Variants in IARS1 observed in about 807,000 individuals in gnomAD.
The protein encoded by IARS1 is isoleucyl-tRNA synthetase 1.
Under a neutral mutation model 168.2 loss-of-function variants are expected in IARS1, and 124 were observed. The observed-to-expected ratio is 0.74, with a 90% CI of 0.64 to 0.86. The LOEUF (loss-of-function observed/expected upper bound fraction) is 0.86. Among genes scored for constraint, IARS1 ranks in the 40% least tolerant of loss-of-function variants. The pLI, the probability that IARS1 is intolerant of heterozygous loss-of-function variation, is 0.00. For synonymous variants in IARS1, 532 were observed against 529.4 expected (o/e 1.00, Z -0.07); for missense variants, 1,452 against 1,515.8 (o/e 0.96, Z 0.70).
At chr9:92,253,690 A>G in intron 20 of IARS1, 1 of 538,612 alleles carries the variant, frequency 1.9e-6, no homozygotes, top group East Asian at 3.5e-5. Context: ...CCACATGCGA[A>G]TTCCCATTGG....
chr9:92,276,741 AG>A (rs1253223129), intron 9 of IARS1, among the ~76,000 whole-genome samples: 1 of 152,224 alleles, frequency 6.6e-6, no homozygotes, highest in East Asian at 1.9e-4. Context: ...ACATAAGGCC[AG>A]GTCTGCTCAT....
intron 6 of IARS1, among the ~76,000 whole-genome samples, chr9:92,281,538 A>G (rs1834568179): frequency 1.3e-5 from 2 of 152,182 alleles, no homozygotes; most frequent in South Asian, 4.1e-4. Flanking sequence ...TCAAAAAGAT[A>G]ACTGTTCTGG....
At position 92,260,211 on chromosome 9, in the gene IARS1, C is replaced by T. The variant is rs780409825; in HGVS notation, c.1811G>A (p.Arg604Gln). The T allele has an allele frequency of 6.8e-6, 11 of 1,613,990 alleles. No individual in the cohort carries two copies. The highest frequency in any genetic ancestry group is 9.3e-6 in the Non-Finnish European group (11 of 1,179,890). ...LASDGQKMSK[R>Q]KKNYPDPVSI... ...AACTGGATCTGGATAATTCTTTTTC[C>T]GTTTGCTCATTTTTTGGCCATCACT... is the stretch of plus-strand genomic sequence containing the variant. Residue 604 changes from arginine (R) to glutamine (Q), a missense_variant, in exon 18 of 34, where the codon CGG becomes CAG. By Grantham distance (43) the Arg-to-Gln change is conservative. Transcript: ENST00000443024.
intron 16 of IARS1, among the ~76,000 whole-genome samples, chr9:92,264,291 C>T (rs1217488150): frequency 1.3e-5 from 2 of 151,068 alleles, no homozygotes; most frequent in Admixed American, 6.6e-5. Flanking sequence ...GCCGAGATCA[C>T]ACCCCTGCAC....
chr9:92,284,423 A>G (rs920278352), intron 6 of IARS1, among the ~76,000 whole-genome samples: 23 of 152,262 alleles, frequency 1.5e-4, no homozygotes, highest in Non-Finnish European at 2.9e-5. Context: ...ATGGGCCTAC[A>G]GAAATTAATT....
At position 92,276,383 on chromosome 9, in the gene IARS1, A is replaced by C. The variant is rs563314690; in HGVS notation, c.894+1480T>G. Among the ~76,000 whole-genome samples the C allele has an allele frequency of 2.0e-5, 3 of 152,344 alleles. No homozygotes were observed. The East Asian group carries it at 5.8e-4, about 29-fold the overall frequency. The stretch of plus-strand genomic sequence containing the variant: ...GTAATGTGGGAGGATGTGGTCAGGA[A>C]GCAGCTCTGCCACATACCGACTGGG... On this transcript the variant is annotated intron_variant, in intron 9 of 33. Coordinates refer to ENST00000443024, the MANE Select transcript of IARS1 (RefSeq NM_002161.6).
chr9:92,289,447 A>C (rs777079296), intron 1 of IARS1, 21 bp from the exon 2 acceptor site: 2 of 999,004 alleles, frequency 2.0e-6, no homozygotes, highest in South Asian at 2.6e-5. Context: ...AATCAAATTT[A>C]TTACTGTCAA....
rs1472228836 is a variant in IARS1 at position 92,288,248 on chromosome 9, C to CAGTTGCAAAAGGAGGACCATCATAGA, written c.128_153dup (p.Gly52SerfsTer25). 9.3e-6 allele frequency: 15 copies of CAGTTGCAAAAGGAGGACCATCATAGA among 1,613,940 alleles called. No individual in the cohort carries two copies. The highest frequency in any genetic ancestry group is 1.3e-5 in the Non-Finnish European group (15 of 1,179,940). ...AGTATATGTCCATAGTGAGGCAGTC[C>CAGTTGCAAAAGGAGGACCATCATAGA]AGTTGCAAAAGGAGGACCATCATAG... On this transcript the variant is annotated frameshift_variant, in exon 3 of 34. Transcript: ENST00000443024. LOFTEE classifies it high-confidence loss of function.
intron 21 of IARS1, among the ~76,000 whole-genome samples, chr9:92,252,764 CAAAAAAAAAAAAAA>C (rs34983021): frequency 8.4e-4 from 23 of 27,238 alleles, no homozygotes; most frequent in African/African-American, 1.6e-3. Flanking sequence ...AACTCCTTCT[CAAAAAAAAAAAAAA>C]AAAAAAAAAA....
At position 92,258,853 on chromosome 9, in the gene IARS1, C is replaced by T; in HGVS notation, c.2016+1G>A. 1 of 1,605,196 alleles carries T rather than the reference C, an allele frequency of 6.2e-7. No individual in the cohort carries two copies. The highest frequency in any genetic ancestry group is 8.5e-7 in the Non-Finnish European group (1 of 1,176,708). On this transcript the variant is annotated splice_donor_variant, in intron 19 of 33. Transcript: ENST00000443024. LOFTEE classifies it high-confidence loss of function. Reference sequence around the variant, plus strand: ...CATGTGCAGCCCCCTACAGCCCATACCTTCTGGAGCCTCAGAACGTTCTGG... The same window carrying T: ...CATGTGCAGCCCCCTACAGCCCATATCTTCTGGAGCCTCAGAACGTTCTGG...
intron 11 of IARS1, among the ~76,000 whole-genome samples, chr9:92,271,310 T>C (rs1832994384): frequency 2.0e-5 from 3 of 152,228 alleles, no homozygotes; most frequent in Non-Finnish European, 2.9e-5. Flanking sequence ...TCATGAGGCA[T>C]GAACTGGAGT....
At chr9:92,224,535 T>G (rs1215565464) in intron 31 of IARS1, among the ~76,000 whole-genome samples, 3 of 152,136 alleles carry the variant, frequency 2.0e-5, no homozygotes, top group African/African-American at 7.2e-5. Flanking sequence ...AGACTATGAA[T>G]GAGGATCTAA....
At chr9:92,253,011 A>G (rs532325557) in intron 21 of IARS1, among the ~76,000 whole-genome samples, 2 of 152,132 alleles carry the variant, frequency 1.3e-5, no homozygotes, top group East Asian at 3.9e-4. Flanking sequence ...TACCCCTCTC[A>G]ATATTAATGC....
chr9:92,223,574 G>T, intron 31 of IARS1, 85 bp from the exon 32 acceptor site: 1 of 1,125,228 alleles, frequency 8.9e-7, no homozygotes, highest in East Asian at 2.4e-5. Context: ...TAACTATCAT[G>T]TATCTTTTTA....
At chr9:92,216,583 C>T (rs1230233150) in intron 33 of IARS1, among the ~76,000 whole-genome samples, 1 of 129,380 alleles carries the variant, frequency 7.7e-6, no homozygotes, top group Admixed American at 8.4e-5. Flanking sequence ...GGAAGATCTA[C>T]CAAGCAAATG....
At chr9:92,278,666 G>A (rs1341590100) in intron 7 of IARS1, among the ~76,000 whole-genome samples, 3 of 152,176 alleles carry the variant, frequency 2.0e-5, no homozygotes, top group South Asian at 2.1e-4. Flanking sequence ...CTATGGATCC[G>A]GATATTTTTC....
intron 33 of IARS1, among the ~76,000 whole-genome samples, chr9:92,221,198 G>A (rs1433424470): frequency 6.6e-6 from 1 of 152,108 alleles, no homozygotes; most frequent in Non-Finnish European, 1.5e-5. Context: ...AGGGAAAATA[G>A]GAAAAGAGAA....
chr9:92,283,878 A>G (rs1835028202), intron 6 of IARS1, among the ~76,000 whole-genome samples: 1 of 152,226 alleles, frequency 6.6e-6, no homozygotes, highest in Non-Finnish European at 1.5e-5. Flanking sequence ...TGAGAATATT[A>G]AAATAAAAAC....
intron 7 of IARS1, 129 bp from the exon 8 acceptor site, chr9:92,278,415 A>C (rs1480459825): frequency 4.5e-6 from 3 of 671,076 alleles, no homozygotes; most frequent in Non-Finnish European, 8.1e-6. Flanking sequence ...CCCAGTACTC[A>C]CAGAGAAATA....
Sources: gnomAD v4.1 joint callset for allele counts (sites outside exome capture counted in the v4.1 genomes callset) on GRCh38, gnomAD v4.1.1 for gene constraint, MANE v1.5 for transcripts, NCBI Gene and HGNC (gene_info 2026-07-23, HGNC 2026-07-21) for gene names.